Variants in BRCA1 observed in about 807,000 individuals in gnomAD.
BRCA1 encodes breast cancer type 1 susceptibility protein.
BRCA1 carries 140 observed loss-of-function variants against 173.7 expected under a neutral mutation model. The ratio of observed to expected loss-of-function variants is 0.81; its 90% CI spans 0.70 to 0.93. The LOEUF is 0.93. Among genes scored for constraint, BRCA1 ranks in the 40% least tolerant of loss-of-function variants. The probability of loss-of-function intolerance (pLI) is 0.00; values close to 1 mark genes in which losing one functional copy is unlikely to be tolerated. For synonymous variants in BRCA1, 662 were observed against 756.0 expected, an observed-to-expected ratio of 0.88 and a Z score of 2.04; for missense variants, 1,983 against 2,172.5, an observed-to-expected ratio of 0.91 and a Z score of 1.73.
chr17:43,119,041 A>G (rs2055426017), intron 2 of BRCA1: 1 of 217,108 alleles, frequency 4.6e-6, no homozygotes, highest in South Asian at 1.9e-4. Context: ...GGCGTGAGCC[A>G]CTACACTTAG....
At chr17:43,156,717 G>A (rs2056199644) in intron 1 of BRCA1, among the ~76,000 whole-genome samples, 1 of 152,060 alleles carries the variant, frequency 6.6e-6, no homozygotes, top group Admixed American at 6.6e-5. Flanking sequence ...CATACCAGAT[G>A]GCTTTCATTC....
At chr17:43,159,011 A>G (rs538838155) in intron 1 of BRCA1, among the ~76,000 whole-genome samples, 19 of 152,296 alleles carry the variant, frequency 1.2e-4, no homozygotes, top group African/African-American at 4.3e-4. Context: ...CAAGGTGGGT[A>G]GATCACTTGA....
At chr17:43,160,952 ATCC>A (rs1597946509) in intron 1 of BRCA1, 1 of 152,192 alleles carries the variant, frequency 6.6e-6, no homozygotes, top group Non-Finnish European at 1.5e-5. Context: ...AGAGTTTTAA[ATCC>A]TCCTAGCGCT....
At chr17:43,115,920 A>G in intron 2 of BRCA1, 141 bp from the exon 3 acceptor site, 1 of 782,546 alleles carries the variant, frequency 1.3e-6, no homozygotes, top group Non-Finnish European at 2.0e-6. Flanking sequence ...TTCAATATTT[A>G]TTAAATGTCT....
chr17:43,128,023 CAAAAAAAAAAAAA>C (rs61243891), upstream of BRCA1, among the ~76,000 whole-genome samples: 101 of 24,994 alleles, frequency 4.0e-3, no homozygotes, highest in Middle Eastern at 0.12. Flanking sequence ...GACTCCATCT[CAAAAAAAAAAAAA>C]AAAAAAAAAA....
chr17:43,121,683 CAAAAAAAAAAAA>C (rs71160013), intron 2 of BRCA1, among the ~76,000 whole-genome samples: 2 of 32,898 alleles, frequency 6.1e-5, no homozygotes, highest in African/African-American at 2.9e-4. Flanking sequence ...AAGTCTGTCT[CAAAAAAAAAAAA>C]AAAAAAAAAA....
chr17:43,064,383 T>C (rs1341286714), intron 16 of BRCA1, among the ~76,000 whole-genome samples: 1 of 152,210 alleles, frequency 6.6e-6, no homozygotes, highest in African/African-American at 2.4e-5. Context: ...GAAATGTCAA[T>C]GTAATGACAA....
chr17:43,090,628 G>A (rs2053414850), intron 11 of BRCA1, among the ~76,000 whole-genome samples: 1 of 152,218 alleles, frequency 6.6e-6, no homozygotes, highest in Non-Finnish European at 1.5e-5. Context: ...ACCCACCTTG[G>A]CCTCCCAAAG....
In BRCA1 at chr17:43,114,837, G is replaced by C. The variant is rs2055189473; in HGVS notation, c.134+889C>G. ...AGCCATAGCTTAACATAAAGAAAAG[G>C]AGAAAGCCCACTTGTTCTACTAAAT... On this transcript the variant is annotated intron_variant, in intron 3 of 22. Coordinates refer to ENST00000357654, the MANE Select transcript of BRCA1 (RefSeq NM_007294.4). Among the ~76,000 whole-genome samples, 4 of 152,194 alleles carry C rather than the reference G, an allele frequency of 2.6e-5. No individual in the cohort carries two copies. In the South Asian group the frequency reaches 8.3e-4, roughly 32 times the overall value.
chr17:43,055,630 C>CA (rs945913453), intron 19 of BRCA1, among the ~76,000 whole-genome samples: 5 of 152,126 alleles, frequency 3.3e-5, no homozygotes, highest in African/African-American at 1.2e-4. Context: ...ATTAAAAATA[C>CA]AAAAAACTAT....
chr17:43,098,525 A>AT lies in BRCA1; in HGVS notation c.548-1237dup, dbSNP rs80083136. The stretch of plus-strand genomic sequence containing the variant: ...AAGCATGTGCTACCACACCCAGCTA[A>AT]TTTTTTTTTTTTTTTGTATTTTTAG... On this transcript the variant is annotated intron_variant, in intron 7 of 22. Coordinates refer to ENST00000357654, the MANE Select transcript of BRCA1 (RefSeq NM_007294.4). Among the ~76,000 whole-genome samples, 706 of 136,794 alleles carry AT rather than the reference A, an allele frequency of 5.2e-3. 5 individuals carry two copies. The highest frequency in any genetic ancestry group is 8.2e-3 in the Non-Finnish European group (512 of 62,434). 89.7% of individuals were successfully genotyped at this position (136,794 alleles called of 152,430 possible).
rs1016774811 is a variant in BRCA1, at chr17:43,049,224, T to C, written c.5333-30A>G. On this transcript the variant is annotated intron_variant, in intron 20 of 22. Coordinates refer to ENST00000357654, the MANE Select transcript of BRCA1 (RefSeq NM_007294.4). Reference sequence around the variant, plus strand: ...AATGGACATTTAGATGTAAAATCACTGCAGTAATCTGCATACTTAACCCAG... The same window carrying C: ...AATGGACATTTAGATGTAAAATCACCGCAGTAATCTGCATACTTAACCCAG... 1 of 1,595,510 alleles carries C rather than the reference T, an allele frequency of 6.3e-7. No homozygotes were observed.
chr17:43,057,784 G>A (rs1041084735), intron 18 of BRCA1, among the ~76,000 whole-genome samples: 22 of 148,036 alleles, frequency 1.5e-4, no homozygotes, highest in Non-Finnish European at 2.4e-4. Context: ...TGCAGTGAGC[G>A]GAGATCACGC....
intron 3 of BRCA1, 102 bp from the exon 4 acceptor site, chr17:43,106,635 C>G (rs2054804610): frequency 1.2e-6 from 1 of 836,836 alleles, no homozygotes. Context: ...CACAACTGCC[C>G]TTAAGAGCCA....
Position 43,091,392 on chromosome 17 carries a change from C to T in BRCA1, c.4096+43G>A, listed in dbSNP as rs1597859241. 1 of 1,610,072 alleles carries T rather than the reference C, an allele frequency of 6.2e-7. No homozygotes were observed. The highest frequency in any genetic ancestry group is 8.5e-7 in the Non-Finnish European group (1 of 1,176,394). ...AAAAGCATAAACATTTAGCTCACTT[C>T]TATAAATAGACTGGGGCAAACACAA... On this transcript the variant is annotated intron_variant, in intron 10 of 22. Transcript: ENST00000357654.
At chr17:43,131,716 G>T (rs1261286061) in intron 1 of BRCA1, among the ~76,000 whole-genome samples, 1 of 148,584 alleles carries the variant, frequency 6.7e-6, no homozygotes, top group Admixed American at 6.7e-5. Context: ...GCGAGACTCC[G>T]TCTCAAAAAA....
At chr17:43,095,144 T>C (rs1345489427) in intron 9 of BRCA1, among the ~76,000 whole-genome samples, 1 of 152,202 alleles carries the variant, frequency 6.6e-6, no homozygotes, top group African/African-American at 2.4e-5. Context: ...TAAAAGCAGA[T>C]TGGCCATCAG....
rs34302247 is a variant in BRCA1 at position 43,145,329 on chromosome 17, C to CTTTCTTT, written c.-19-21215_-19-21214insAAAGAAA. 3.2e-4 allele frequency: 133 copies of CTTTCTTT among 414,668 alleles called. 2 individuals carry two copies. The highest frequency in any genetic ancestry group is 3.3e-4 in the South Asian group (16 of 48,934). The allele number at this position is 414,668 out of a possible 1,614,324, so 25.7% of individuals were successfully genotyped here. The stretch of plus-strand genomic sequence containing the variant: ...CAATTCAGAGGAATTTTTTTTCTTT[C>CTTTCTTT]TTTTTTTTTTTTTTTGAGACAGAGT... On this transcript the variant is annotated intron_variant, in intron 1 of 7. Transcript: ENST00000634433.
chr17:43,130,168 A>T (rs1242252273), upstream of BRCA1, among the ~76,000 whole-genome samples: 1 of 152,116 alleles, frequency 6.6e-6, no homozygotes, highest in Non-Finnish European at 1.5e-5. Flanking sequence ...TATTATTTTT[A>T]AAAATGTTTA....
Sources: allele counts gnomAD v4.1 joint callset (sites outside exome capture counted in the v4.1 genomes callset), GRCh38; gene constraint gnomAD v4.1.1; transcripts MANE v1.5; gene names NCBI Gene and HGNC (gene_info 2026-07-23, HGNC 2026-07-21).